Variants in BBOX1 observed in about 807,000 individuals in gnomAD.
BBOX1 encodes gamma-butyrobetaine hydroxylase 1.
Under a neutral mutation model 41.6 loss-of-function variants are expected in BBOX1, and 35 were observed. The ratio of observed to expected loss-of-function variants is 0.84; its 90% CI spans 0.64 to 1.11. The LOEUF (loss-of-function observed/expected upper bound fraction) is 1.11, where lower values mean the gene tolerates loss of function less well. Ranked by LOEUF, BBOX1 falls within the 50% of genes most tolerant of loss-of-function variation. The pLI, the probability that BBOX1 is intolerant of heterozygous loss-of-function variation, is 0.00. For synonymous variants in BBOX1, 163 were observed against 154.7 expected, an observed-to-expected ratio of 1.05 and a Z score of -0.40; for missense variants, 458 against 460.6, an observed-to-expected ratio of 0.99 and a Z score of 0.05.
At chr11:27,074,924 G>A (rs1857585617) in intron 4 of BBOX1, among the ~76,000 whole-genome samples, 1 of 152,206 alleles carries the variant, frequency 6.6e-6, no homozygotes, top group Non-Finnish European at 1.5e-5. Context: ...GCTTTCACAG[G>A]CTGGCATTGA....
At chr11:27,119,426 T>C (rs1005071638) in intron 6 of BBOX1, among the ~76,000 whole-genome samples, 2 of 151,924 alleles carry the variant, frequency 1.3e-5, no homozygotes, top group African/African-American at 4.8e-5. Flanking sequence ...GTATTGATTA[T>C]AAGCAACTTT....
At chr11:27,099,086 A>G (rs1283966303) in intron 5 of BBOX1, among the ~76,000 whole-genome samples, 1 of 151,954 alleles carries the variant, frequency 6.6e-6, no homozygotes, top group Non-Finnish European at 1.5e-5. Flanking sequence ...ACAAGACAAC[A>G]AAAGCTCTTT....
intron 7 of BBOX1, among the ~76,000 whole-genome samples, chr11:27,122,507 T>C (rs1401288984): frequency 6.6e-6 from 1 of 152,166 alleles, no homozygotes; most frequent in Admixed American, 6.5e-5. Flanking sequence ...CCAACACACT[T>C]ACTGGGGGGA....
intron 5 of BBOX1, among the ~76,000 whole-genome samples, chr11:27,111,862 T>C (rs987125656): frequency 6.6e-6 from 1 of 151,932 alleles, no homozygotes; most frequent in South Asian, 2.1e-4. Context: ...GTATTCTGAG[T>C]GATAAATCTT....
intron 5 of BBOX1, among the ~76,000 whole-genome samples, chr11:27,106,065 C>T (rs969658702): frequency 3.9e-5 from 6 of 152,096 alleles, no homozygotes; most frequent in Non-Finnish European, 8.8e-5. Flanking sequence ...ACCACCAGGC[C>T]TGCCCTAAAA....
intron 5 of BBOX1, among the ~76,000 whole-genome samples, chr11:27,109,543 A>AACAGAAAAAACTG (rs1022643092): frequency 2.0e-5 from 3 of 152,008 alleles, no homozygotes; most frequent in African/African-American, 4.8e-5. Context: ...TGGGGAAAAG[A>AACAGAAAAAACTG]ACAGAAAAAA....
intron 4 of BBOX1, among the ~76,000 whole-genome samples, chr11:27,064,869 A>C (rs1203635233): frequency 6.6e-6 from 1 of 151,160 alleles, no homozygotes; most frequent in Admixed American, 6.6e-5. Context: ...GTCTAGGTAG[A>C]CCCATGGGGT....
At chr11:27,078,860 C>G (rs991905572) in intron 4 of BBOX1, among the ~76,000 whole-genome samples, 3 of 152,112 alleles carry the variant, frequency 2.0e-5, no homozygotes, top group Non-Finnish European at 4.4e-5. Context: ...ACCTGAGCCT[C>G]ACTTTTTCCA....
intron 4 of BBOX1, among the ~76,000 whole-genome samples, chr11:27,084,121 C>T (rs942038550): frequency 3.3e-5 from 5 of 152,016 alleles, no homozygotes; most frequent in Non-Finnish European, 5.9e-5. Context: ...CAGCTCTCAA[C>T]CAAAAAGGGG....
chr11:27,064,455 C>T (rs915329748), intron 4 of BBOX1, among the ~76,000 whole-genome samples: 5 of 152,218 alleles, frequency 3.3e-5, no homozygotes, highest in Admixed American at 6.5e-5. Context: ...TGTCTTTGTT[C>T]TGTTTTGCCT....
At position 27,127,384 on chromosome 11, in the gene BBOX1, T is replaced by G. The variant is rs1216574917; in HGVS notation, c.1095T>G (p.Ala365=). 1 of 1,614,030 alleles carries G rather than the reference T, an allele frequency of 6.2e-7. No homozygotes were observed. The highest frequency in any genetic ancestry group is 8.5e-7 in the Non-Finnish European group (1 of 1,180,026). ...GTEISRHLEG[A]YADWDVVMSR... Reference sequence around the variant, plus strand: ...AGATATCCCGCCATCTAGAAGGAGCTTATGCTGACTGGGATGTGGTCATGT... The same window carrying G: ...AGATATCCCGCCATCTAGAAGGAGCGTATGCTGACTGGGATGTGGTCATGT... Residue 365 remains alanine, a synonymous_variant, in exon 9 of 9, where the codon GCT becomes GCG. Coordinates refer to ENST00000263182, the MANE Select transcript of BBOX1 (RefSeq NM_003986.3).
intron 5 of BBOX1, among the ~76,000 whole-genome samples, 155 bp downstream of exon 5, chr11:27,093,521 T>A (rs1431288678): frequency 6.6e-6 from 1 of 152,000 alleles, no homozygotes; most frequent in East Asian, 1.9e-4. Context: ...AGTATTTTGC[T>A]GAGAATGATA....
At chr11:27,052,763 C>A (rs1351989257) in intron 2 of BBOX1, among the ~76,000 whole-genome samples, 4 of 151,980 alleles carry the variant, frequency 2.6e-5, no homozygotes. Context: ...CAGACATGAC[C>A]ATCTATTGCT....
chr11:27,063,656 C>CA (rs11354714), intron 4 of BBOX1, among the ~76,000 whole-genome samples: 17,545 of 141,542 alleles, frequency 0.12, 1,350 homozygotes, highest in East Asian at 0.27. Flanking sequence ...ATTGCACAGT[C>CA]AAAAAAAAAA....
chr11:27,057,640 G>A (rs1316427168), intron 4 of BBOX1, among the ~76,000 whole-genome samples: 1 of 152,108 alleles, frequency 6.6e-6, no homozygotes, highest in Non-Finnish European at 1.5e-5. Context: ...TGAACTAGAG[G>A]CAGACTGGCC....
chr11:27,125,013 A>G (rs1590232581), intron 7 of BBOX1, among the ~76,000 whole-genome samples: 1 of 152,314 alleles, frequency 6.6e-6, no homozygotes, highest in African/African-American at 2.4e-5. Context: ...ACTGTCTGTT[A>G]TGTCCAGGCT....
In BBOX1 at chr11:27,115,438, C is replaced by A; in HGVS notation, c.534-14C>A. The A allele has an allele frequency of 6.2e-7, 1 of 1,600,358 alleles. No homozygotes were observed. Among genetic ancestry groups the A allele is most frequent in the East Asian group, 2.3e-5 (1 of 44,318 alleles). On this transcript the variant is annotated splice_polypyrimidine_tract_variant and intron_variant, in intron 5 of 8. Transcript: ENST00000263182. ...TGACAACCTGTTTAAACATGTGTTT[C>A]TTGCATTTTACAGACATACTTGGCA...
chr11:27,073,613 G>T (rs993855478), intron 4 of BBOX1, among the ~76,000 whole-genome samples: 1 of 151,672 alleles, frequency 6.6e-6, no homozygotes, highest in East Asian at 1.9e-4. Flanking sequence ...AAATGCACAC[G>T]TATGTTTATT....
intron 6 of BBOX1, among the ~76,000 whole-genome samples, chr11:27,117,017 C>T (rs987162750): frequency 1.4e-4 from 22 of 152,092 alleles, no homozygotes; most frequent in African/African-American, 4.8e-4. Flanking sequence ...TCTTTCTCTA[C>T]ATTTTTACAA....
Sources: gnomAD v4.1 joint callset for allele counts (sites outside exome capture counted in the v4.1 genomes callset) on GRCh38, gnomAD v4.1.1 for gene constraint, MANE v1.5 for transcripts, NCBI Gene and HGNC (gene_info 2026-07-23, HGNC 2026-07-21) for gene names.